The following GAPVD1 variants were observed in gnomAD, a reference collection of about 807,000 sequenced individuals.
GAPVD1 encodes the protein GTPase-activating protein and VPS9 domain-containing protein 1.
GAPVD1 carries 35 observed loss-of-function variants against 155.5 expected under a neutral mutation model. The ratio of observed to expected loss-of-function variants is 0.23; its 90% CI spans 0.17 to 0.30. GAPVD1 has a LOEUF of 0.30. Ranked by LOEUF, GAPVD1 falls within the 10% of genes least tolerant of loss-of-function variation. The pLI, the probability that GAPVD1 is intolerant of heterozygous loss-of-function variation, is 1.00. For missense variants in GAPVD1, 1,429 were observed against 1,775.7 expected (o/e 0.80, Z 3.51); for synonymous variants, 636 against 619.7 (o/e 1.03, Z -0.39).
At chr9:125,285,636 T>G (rs1269329620) in intron 2 of GAPVD1, among the ~76,000 whole-genome samples, 1 of 151,796 alleles carries the variant, frequency 6.6e-6, no homozygotes, top group Non-Finnish European at 1.5e-5. Flanking sequence ...ATTTTTCTAT[T>G]TTTGGTTAGA....
At chr9:125,313,461 G>A (rs1388036928) in intron 9 of GAPVD1, among the ~76,000 whole-genome samples, 3 of 151,542 alleles carry the variant, frequency 2.0e-5, no homozygotes, top group Admixed American at 6.6e-5. Flanking sequence ...CCGCCACCAC[G>A]CTCGGCTAAT....
At chr9:125,353,563 T>C (rs886809888) in intron 23 of GAPVD1, among the ~76,000 whole-genome samples, 3 of 152,172 alleles carry the variant, frequency 2.0e-5, no homozygotes, top group Non-Finnish European at 1.5e-5. Flanking sequence ...ATGCTGCTGA[T>C]AAAGACATAC....
chr9:125,296,358 G>GTTTTTTTTTTTTTTTT (rs1554758517), intron 3 of GAPVD1, among the ~76,000 whole-genome samples: 5 of 121,756 alleles, frequency 4.1e-5, no homozygotes, highest in African/African-American at 1.8e-4. Context: ...TAGTTCTTAG[G>GTTTTTTTTTTTTTTTT]TTTTTTTTTT....
intron 19 of GAPVD1, 101 bp downstream of exon 19, chr9:125,342,400 T>C: frequency 1.3e-6 from 1 of 740,910 alleles, no homozygotes. Flanking sequence ...TAGAAGAGTG[T>C]GTCTGTGTGT....
chr9:125,354,106 C>T (rs1849702463), intron 23 of GAPVD1, among the ~76,000 whole-genome samples: 1 of 152,172 alleles, frequency 6.6e-6, no homozygotes, highest in African/African-American at 2.4e-5. Context: ...GCTTTTTCTG[C>T]TGCCAGTCCC....
chr9:125,362,789 A>G lies in GAPVD1; in HGVS notation c.*43A>G. On this transcript the variant is annotated 3_prime_UTR_variant, in exon 28 of 28. Transcript: ENST00000297933. ...CAAGGCAGCAGACTGTTAATCAGAC[A>G]AACAGATCTCTGAGAAGGTGCATCA... is the stretch of plus-strand genomic sequence containing the variant. 1 of 1,589,322 alleles carries G rather than the reference A, an allele frequency of 6.3e-7. No individual in the cohort carries two copies. Among genetic ancestry groups the G allele is most frequent in the South Asian group, 1.1e-5 (1 of 88,074 alleles).
intron 8 of GAPVD1, 46 bp downstream of exon 8, chr9:125,307,926 T>G: frequency 7.9e-7 from 1 of 1,263,492 alleles, no homozygotes; most frequent in Non-Finnish European, 1.2e-6. Context: ...AATCTAATAT[T>G]TCATTAGCCT....
chr9:125,300,184 A>T (rs1163749189), intron 4 of GAPVD1, among the ~76,000 whole-genome samples: 19 of 126,804 alleles, frequency 1.5e-4, no homozygotes, highest in Admixed American at 9.1e-4. Flanking sequence ...CATTTATTTT[A>T]TTTTTTTTTT....
chr9:125,364,169 T>G lies in GAPVD1; in HGVS notation c.*1423T>G, dbSNP rs976727594. ...GCCTCGGGCAGATGAACACGGAGGCTCTCTGTTGTCTGTCTCTGAGATCTT... is the reference window on the plus strand; with the variant it reads ...GCCTCGGGCAGATGAACACGGAGGCGCTCTGTTGTCTGTCTCTGAGATCTT... On this transcript the variant is annotated 3_prime_UTR_variant, in exon 28 of 28. Coordinates refer to ENST00000297933, the MANE Select transcript of GAPVD1 (RefSeq NM_001282680.3). 6.6e-6 allele frequency: 1 copy of G among 152,236 alleles called. No homozygotes were observed. The highest frequency in any genetic ancestry group is 1.5e-5 in the Non-Finnish European group (1 of 68,036). The allele number at this position is 152,236 out of a possible 1,614,324, so 9.4% of individuals were successfully genotyped here.
intron 23 of GAPVD1, 77 bp from the exon 24 acceptor site, chr9:125,354,577 A>G: frequency 1.1e-6 from 1 of 950,640 alleles, no homozygotes. Context: ...TTTCTAAAGA[A>G]AAGTTAGGAC....
chr9:125,309,835 G>C, intron 8 of GAPVD1: 1 of 295,962 alleles, frequency 3.4e-6, no homozygotes, highest in Non-Finnish European at 7.5e-6. Context: ...GTATAGTCTT[G>C]TTACCTGGCT....
intron 2 of GAPVD1, among the ~76,000 whole-genome samples, chr9:125,293,448 G>T (rs909094172): frequency 6.7e-6 from 1 of 148,514 alleles, no homozygotes; most frequent in Non-Finnish European, 1.5e-5. Context: ...TTAAAGTAGA[G>T]AAATGGCTTT....
chr9:125,315,514 G>C (rs1843290128), intron 9 of GAPVD1, among the ~76,000 whole-genome samples: 1 of 152,150 alleles, frequency 6.6e-6, no homozygotes, highest in African/African-American at 2.4e-5. Flanking sequence ...TATTCTGAAA[G>C]CAGCATGGTT....
chr9:125,296,140 T>G lies in GAPVD1; in HGVS notation c.-33+566T>G, dbSNP rs147758007. On this transcript the variant is annotated intron_variant, in intron 3 of 27. Coordinates refer to ENST00000297933, the MANE Select transcript of GAPVD1 (RefSeq NM_001282680.3). ...TTCTCTTAATGTTTTTGCTGAACCA[T>G]GTACAAGTTGCAGACATCCTAACAC... Among the ~76,000 whole-genome samples, 822 of 152,134 alleles carry G rather than the reference T, an allele frequency of 5.4e-3. 4 individuals carry two copies. The highest frequency in any genetic ancestry group is 0.019 in the African/African-American group (789 of 41,540).
chr9:125,329,660 T>C (rs1845796985), intron 12 of GAPVD1, among the ~76,000 whole-genome samples: 1 of 147,008 alleles, frequency 6.8e-6, no homozygotes, highest in Admixed American at 6.8e-5. Context: ...TGAGACAAAG[T>C]CCCAAAATGA....
intron 2 of GAPVD1, among the ~76,000 whole-genome samples, chr9:125,294,003 C>G (rs1839416311): frequency 6.7e-6 from 1 of 149,336 alleles, no homozygotes; most frequent in Admixed American, 6.9e-5. Context: ...ACCTCCGCCT[C>G]CTGGCTTCAA....
chr9:125,276,797 TGC>T (rs1835863260), intron 2 of GAPVD1, among the ~76,000 whole-genome samples: 1 of 152,168 alleles, frequency 6.6e-6, no homozygotes, highest in Non-Finnish European at 1.5e-5. Context: ...GCCTCGCTCT[TGC>T]CTGAGATGAA....
In GAPVD1 at chr9:125,362,798, T is replaced by C; in HGVS notation, c.*52T>C. The C allele has an allele frequency of 1.3e-6, 2 of 1,552,934 alleles. No individual in the cohort carries two copies. The highest frequency in any genetic ancestry group is 1.8e-6 in the Non-Finnish European group (2 of 1,134,720). The stretch of plus-strand genomic sequence containing the variant: ...AGACTGTTAATCAGACAAACAGATC[T>C]CTGAGAAGGTGCATCAGCTGCTTTG... On this transcript the variant is annotated 3_prime_UTR_variant, in exon 28 of 28. Transcript: ENST00000297933.
chr9:125,331,204 AT>A (rs5900651), intron 13 of GAPVD1, among the ~76,000 whole-genome samples: 87,799 of 146,486 alleles, frequency 0.6, 27,964 homozygotes, highest in African/African-American at 0.87. Context: ...GTGTTTTATA[AT>A]TTTTTTTTTT....
Sources: gnomAD v4.1 joint callset for allele counts (sites outside exome capture counted in the v4.1 genomes callset) on GRCh38, gnomAD v4.1.1 for gene constraint, MANE v1.5 for transcripts, NCBI Gene and HGNC (gene_info 2026-07-23, HGNC 2026-07-21) for gene names.